Variants in DLG1 observed in about 807,000 individuals in gnomAD.
The protein encoded by DLG1 is discs large MAGUK scaffold protein 1, also known as disks large homolog 1.
DLG1 carries 42 observed loss-of-function variants against 123.4 expected under a neutral mutation model. That is an observed-to-expected ratio of 0.34 (90% CI 0.27 to 0.44). DLG1 has a LOEUF of 0.44. DLG1 is among the 20% of genes least tolerant of loss of function. The probability of loss-of-function intolerance (pLI) is 1.00; values close to 1 mark genes in which losing one functional copy is unlikely to be tolerated. For synonymous variants in DLG1, 317 were observed against 356.2 expected, an observed-to-expected ratio of 0.89 and a Z score of 1.24; for missense variants, 942 against 1,082.6, an observed-to-expected ratio of 0.87 and a Z score of 1.82.
chr3:197,248,157 C>T (rs558004609), intron 4 of DLG1, among the ~76,000 whole-genome samples: 105 of 152,290 alleles, frequency 6.9e-4, no homozygotes, highest in African/African-American at 2.4e-3. Context: ...ACCACCCCTG[C>T]GGCTTTTCTT....
chr3:197,218,808 T>TA (rs1183003880), intron 4 of DLG1, among the ~76,000 whole-genome samples: 2 of 152,128 alleles, frequency 1.3e-5, no homozygotes, highest in African/African-American at 2.4e-5. Flanking sequence ...CAAACACAGG[T>TA]AGTCATCAAA....
At chr3:197,159,987 C>T (rs1337891811) in intron 5 of DLG1, among the ~76,000 whole-genome samples, 1 of 152,124 alleles carries the variant, frequency 6.6e-6, no homozygotes, top group Non-Finnish European at 1.5e-5. Flanking sequence ...AGCATCCTCT[C>T]CATCACTGTA....
At chr3:197,297,131 T>G (rs1777819754) in intron 2 of DLG1, 55 bp downstream of exon 2, 2 of 1,601,728 alleles carry the variant, frequency 1.2e-6, no homozygotes, top group Admixed American at 3.3e-5. Flanking sequence ...ATCAAAAAAC[T>G]GACACACGGA....
chr3:197,208,691 TG>T lies in DLG1; in HGVS notation c.319-14103del, dbSNP rs1238224969. Among the ~76,000 whole-genome samples the T allele has an allele frequency of 9.7e-5, 13 of 133,928 alleles. 1 individual carries two copies. The East Asian group carries it at 2.8e-3, about 29-fold the overall frequency. 87.9% of individuals were successfully genotyped at this position (133,928 alleles called of 152,430 possible). A position where few individuals can be genotyped will look rare whatever the true frequency, so the allele number is the denominator to read the frequency against. ...CTACACTCCTGTGTGTGTGGCGGGG[TG>T]GGGGTAGTTGGGGGGATAGTAAGAG... On this transcript the variant is annotated intron_variant, in intron 4 of 24. Transcript: ENST00000667157.
In DLG1 at chr3:197,138,357, C is replaced by G; in HGVS notation, c.748G>C (p.Asp250His). ...TTGCTATGTGTTACATCACGAACAT[C>G]TACTTCATTTACTCGTAATATACAG... is the stretch of plus-strand genomic sequence containing the variant. ...NDCILRVNEVDVRDVTHSKAV... is the reference protein window; with the variant it reads ...NDCILRVNEVHVRDVTHSKAV... The change falls in exon 9 of 25, where the codon GAT (aspartate) becomes CAT (histidine). Residue 250 changes from aspartate to histidine, a missense_variant. Coordinates refer to ENST00000667157, the MANE Select transcript of DLG1 (RefSeq NM_001366207.1). The G allele has an allele frequency of 6.4e-7, 1 of 1,557,584 alleles. No homozygotes were observed. Among genetic ancestry groups the G allele is most frequent in the East Asian group, 2.3e-5 (1 of 43,378 alleles).
intron 23 of DLG1, among the ~76,000 whole-genome samples, chr3:197,055,675 G>A (rs1731182919): frequency 6.6e-6 from 1 of 152,178 alleles, no homozygotes; most frequent in South Asian, 2.1e-4. Flanking sequence ...CCCCCAAAAG[G>A]GGAGGGGGAA....
chr3:197,289,928 C>T (rs934752745), intron 3 of DLG1, among the ~76,000 whole-genome samples: 3 of 152,128 alleles, frequency 2.0e-5, no homozygotes, highest in East Asian at 1.9e-4. Context: ...AAGCATATTC[C>T]ATAAAACAAG....
At chr3:197,201,043 A>G (rs1450433836) in intron 4 of DLG1, among the ~76,000 whole-genome samples, 1 of 152,218 alleles carries the variant, frequency 6.6e-6, no homozygotes, top group Non-Finnish European at 1.5e-5. Context: ...GAAGAAGTGA[A>G]ATTATTCCTG....
At chr3:197,064,941 G>A (rs934856843) in intron 22 of DLG1, among the ~76,000 whole-genome samples, 1 of 151,736 alleles carries the variant, frequency 6.6e-6, no homozygotes, top group Non-Finnish European at 1.5e-5. Flanking sequence ...TCAGTAGCTA[G>A]GACTGTAAGG....
intron 4 of DLG1, among the ~76,000 whole-genome samples, chr3:197,247,823 T>G (rs1752498974): frequency 6.6e-6 from 1 of 152,134 alleles, no homozygotes; most frequent in Admixed American, 6.5e-5. Context: ...AGGTTTGGTG[T>G]TAGGCTCAAT....
At chr3:197,274,805 A>G (rs540236382) in intron 4 of DLG1, among the ~76,000 whole-genome samples, 10 of 152,370 alleles carry the variant, frequency 6.6e-5, no homozygotes, top group African/African-American at 2.4e-4. Flanking sequence ...TGATCAGATT[A>G]GACATTTCTC....
At position 197,098,554 on chromosome 3, in the gene DLG1, C is replaced by T. The variant is rs192107103; in HGVS notation, c.1546+6349G>A. On this transcript the variant is annotated intron_variant, in intron 14 of 24. Coordinates refer to ENST00000667157, the MANE Select transcript of DLG1 (RefSeq NM_001366207.1). The stretch of plus-strand genomic sequence containing the variant: ...AGTCTTTGCTTAGAGTCTTCCCACC[C>T]GCCCCCACCTCGCTCTGTTGCTCAG... Among the ~76,000 whole-genome samples the T allele has an allele frequency of 3.9e-4, 60 of 152,306 alleles. 1 individual carries two copies. Among genetic ancestry groups the T allele is most frequent in the African/African-American group, 1.3e-3 (53 of 41,558 alleles).
chr3:197,111,332 A>G lies in DLG1; in HGVS notation c.1443+4595T>C, dbSNP rs555421664. 2.3e-3 allele frequency among the ~76,000 whole-genome samples: 353 copies of G among 152,342 alleles called. 2 individuals are homozygous for G. Among genetic ancestry groups the G allele is most frequent in the Non-Finnish European group, 3.7e-3 (250 of 68,032 alleles). On this transcript the variant is annotated intron_variant, in intron 13 of 24. Coordinates refer to ENST00000667157, the MANE Select transcript of DLG1 (RefSeq NM_001366207.1). The stretch of plus-strand genomic sequence containing the variant: ...TTGGTCTCACACACTTTAGCACTGT[A>G]TCAATGACCTATCTAAAGTGGTTCC...
intron 4 of DLG1, among the ~76,000 whole-genome samples, chr3:197,271,368 A>G (rs1763845976): frequency 6.6e-6 from 1 of 152,240 alleles, no homozygotes; most frequent in Non-Finnish European, 1.5e-5. Flanking sequence ...CAAGGATACA[A>G]AAATCAGTCA....
chr3:197,257,870 C>A (rs1041732520), intron 4 of DLG1, among the ~76,000 whole-genome samples: 1 of 152,120 alleles, frequency 6.6e-6, no homozygotes, highest in Non-Finnish European at 1.5e-5. Context: ...ACAGTGATTA[C>A]GAGCCTGACA....
intron 4 of DLG1, chr3:197,226,142 T>C (rs1165365284): frequency 6.6e-6 from 1 of 152,222 alleles, no homozygotes; most frequent in East Asian, 1.9e-4. Flanking sequence ...ATCAGGTCGG[T>C]ATACTATGAT....
At chr3:197,095,894 T>C (rs775194685) in intron 14 of DLG1, among the ~76,000 whole-genome samples, 6 of 152,210 alleles carry the variant, frequency 3.9e-5, no homozygotes, top group Admixed American at 2.0e-4. Flanking sequence ...CTGGGTCCAT[T>C]TGACATGTCT....
At chr3:197,104,878 C>G in intron 14 of DLG1, 25 bp downstream of exon 14, 1 of 1,478,294 alleles carries the variant, frequency 6.8e-7, no homozygotes, top group East Asian at 2.3e-5. Flanking sequence ...TAAGCAATAA[C>G]TATAGACAAT....
intron 24 of DLG1, among the ~76,000 whole-genome samples, chr3:197,045,458 T>A (rs1318450654): frequency 6.6e-6 from 1 of 152,084 alleles, no homozygotes; most frequent in Non-Finnish European, 1.5e-5. Flanking sequence ...AAAATGTTTA[T>A]GGTTGGGCAT....
Sources: allele counts gnomAD v4.1 joint callset (sites outside exome capture counted in the v4.1 genomes callset), GRCh38; gene constraint gnomAD v4.1.1; transcripts MANE v1.5; gene names NCBI Gene and HGNC (gene_info 2026-07-23, HGNC 2026-07-21).